Variants in TOMM7 observed in about 807,000 individuals in gnomAD.
TOMM7 encodes mitochondrial import receptor subunit TOM7 homolog.
TOMM7 carries 8 observed loss-of-function variants against 9.5 expected under a neutral mutation model. The observed-to-expected ratio is 0.84, with a 90% CI of 0.49 to 1.51. TOMM7 has a LOEUF of 1.51. Among genes scored for constraint, TOMM7 ranks in the 40% most tolerant of loss-of-function variants. TOMM7 has a pLI of 0.00. For missense variants in TOMM7, 74 were observed against 63.7 expected (o/e 1.16, Z -0.55); for synonymous variants, 27 against 21.4 (o/e 1.26, Z -0.72).
intron 1 of TOMM7, chr7:22,822,259 G>A (rs1782403661): frequency 6.4e-7 from 1 of 1,550,402 alleles, no homozygotes; most frequent in Non-Finnish European, 8.7e-7. Context: ...TCATGGCAGT[G>A]GTACTTTCAC....
chr7:22,821,351 A>C (rs113933903), intron 1 of TOMM7, among the ~76,000 whole-genome samples: 15 of 150,134 alleles, frequency 1.0e-4, no homozygotes, highest in African/African-American at 3.4e-4. Flanking sequence ...CGGAGCTTGC[A>C]GTGAGCTGAG....
intron 1 of TOMM7, chr7:22,818,394 C>A (rs1782344045): frequency 5.6e-6 from 1 of 179,878 alleles, no homozygotes; most frequent in African/African-American, 2.4e-5. Flanking sequence ...TCTCCTGTCT[C>A]AGCCTCCTGA....
At chr7:22,819,009 C>A (rs137859059) in intron 1 of TOMM7, among the ~76,000 whole-genome samples, 1 of 100,580 alleles carries the variant, frequency 9.9e-6, no homozygotes, top group Non-Finnish European at 1.9e-5. Context: ...AGAAAAAGGA[C>A]GGGGTGGAGG....
chr7:22,817,917 C>G, intron 2 of TOMM7, 83 bp downstream of exon 2: 1 of 1,339,972 alleles, frequency 7.5e-7, no homozygotes, highest in East Asian at 2.3e-5. Context: ...TCAAGGCCTG[C>G]CACTATTACT....
At position 22,817,997 on chromosome 7, in the gene TOMM7, T is replaced by C. The variant is rs1583463357; in HGVS notation, c.152+3A>G. ...CTGAAATGTTTAGTTTTAAGAGCAG[T>C]ACCTCAAAACAGTTGGTTCAGGCAT... is the stretch of plus-strand genomic sequence containing the variant. On this transcript the variant is annotated splice_donor_region_variant and intron_variant, in intron 2 of 2. Coordinates refer to ENST00000358435, the MANE Select transcript of TOMM7 (RefSeq NM_019059.5). 2.5e-6 allele frequency: 4 copies of C among 1,613,446 alleles called. No individual in the cohort carries two copies. The Admixed American group carries it at 6.7e-5, about 27-fold the overall frequency.
At chr7:22,822,532 C>T in intron 1 of TOMM7, 145 bp downstream of exon 1, 1 of 781,876 alleles carries the variant, frequency 1.3e-6, no homozygotes, top group Middle Eastern at 2.4e-4. Context: ...CAGGTTAGAT[C>T]GGCCCCACTT....
chr7:22,819,345 A>G (rs576139203), intron 1 of TOMM7, among the ~76,000 whole-genome samples: 6 of 151,646 alleles, frequency 4.0e-5, no homozygotes, highest in Admixed American at 6.6e-5. Context: ...TGGCCTGCCA[A>G]TTTCACAGAT....
At chr7:22,817,889 G>T in intron 2 of TOMM7, 111 bp downstream of exon 2, 2 of 1,034,152 alleles carry the variant, frequency 1.9e-6, no homozygotes, top group South Asian at 2.8e-5. Flanking sequence ...AAACTATACT[G>T]ACTGATAAAG....
At chr7:22,816,946 T>G (rs1782323653) in intron 2 of TOMM7, among the ~76,000 whole-genome samples, 2 of 152,214 alleles carry the variant, frequency 1.3e-5, no homozygotes, top group Non-Finnish European at 2.9e-5. Context: ...TAGGTGATAG[T>G]GAATAACATA....
Position 22,813,269 on chromosome 7 carries a change from T to C in TOMM7, c.153-84A>G, listed in dbSNP as rs1338866012. ...ATAACCTAAGACCTAGAAAATTTTA[T>C]ACATTTATGTTTGTTTCCTCATCTA... On this transcript the variant is annotated intron_variant, in intron 2 of 2. Transcript: ENST00000358435. The C allele has an allele frequency of 4.8e-6, 6 of 1,246,384 alleles. No homozygotes were observed. The Admixed American group carries it at 8.6e-5, about 18-fold the overall frequency. The allele number at this position is 1,246,384 out of a possible 1,614,324, so 77.2% of individuals were successfully genotyped here. A position where few individuals can be genotyped will look rare whatever the true frequency, so the allele number is the denominator to read the frequency against.
rs1275399067 is a variant in TOMM7 at position 22,822,047 on chromosome 7, G to C, written c.103+630C>G. The C allele has an allele frequency of 6.8e-6, 9 of 1,322,944 alleles. No individual in the cohort carries two copies. The African/African-American group carries it at 1.3e-4, about 20-fold the overall frequency. 82.0% of individuals were successfully genotyped at this position (1,322,944 alleles called of 1,614,324 possible). A position where few individuals can be genotyped will look rare whatever the true frequency, so the allele number is the denominator to read the frequency against. The stretch of plus-strand genomic sequence containing the variant: ...CCAAATCCTTTAAGTGCGCTATAAT[G>C]GTTAAGACTATGGGCTCTGATGCCC... On this transcript the variant is annotated intron_variant, in intron 1 of 2. Coordinates refer to ENST00000358435, the MANE Select transcript of TOMM7 (RefSeq NM_019059.5).
intron 2 of TOMM7, 70 bp downstream of exon 2, chr7:22,817,930 T>C (rs973953853): frequency 6.1e-6 from 9 of 1,469,418 alleles, no homozygotes; most frequent in African/African-American, 1.4e-5. Context: ...CTATTACTCT[T>C]TTACATCTTA....
Position 22,816,492 on chromosome 7 carries a change from A to G in TOMM7, c.152+1508T>C, listed in dbSNP as rs546674820. Among the ~76,000 whole-genome samples the G allele has an allele frequency of 3.3e-5, 5 of 152,378 alleles. No homozygotes were observed. The South Asian group carries it at 1.0e-3, about 32-fold the overall frequency. On this transcript the variant is annotated intron_variant, in intron 2 of 2. Transcript: ENST00000358435. ...TAGATCAAAGAGTAAGGGCTAAGAA[A>G]AAAGGACTTAGTGGGGAATCTCTGA... is the stretch of plus-strand genomic sequence containing the variant.
intron 2 of TOMM7, among the ~76,000 whole-genome samples, chr7:22,813,735 C>G (rs1782279225): frequency 6.6e-6 from 1 of 151,298 alleles, no homozygotes; most frequent in South Asian, 2.1e-4. Flanking sequence ...CCACTTCCAC[C>G]TCAACTAACT....
At chr7:22,813,728 C>T (rs1197845178) in intron 2 of TOMM7, among the ~76,000 whole-genome samples, 1 of 151,352 alleles carries the variant, frequency 6.6e-6, no homozygotes, top group East Asian at 2.0e-4. Context: ...TTAGCCTCCA[C>T]TTCCACCTCA....
At chr7:22,820,812 T>TA in intron 1 of TOMM7, among the ~76,000 whole-genome samples, 1 of 152,306 alleles carries the variant, frequency 6.6e-6, no homozygotes, top group Non-Finnish European at 1.5e-5. Context: ...AATGTTTTTT[T>TA]AAAAAATTGC....
chr7:22,818,116 AAG>A (rs903561802), intron 1 of TOMM7, 68 bp from the exon 2 acceptor site: 2 of 1,490,784 alleles, frequency 1.3e-6, no homozygotes, highest in Non-Finnish European at 1.9e-6. Context: ...ATTTACAATC[AAG>A]ACTTTTTCTT....
intron 2 of TOMM7, among the ~76,000 whole-genome samples, chr7:22,815,508 C>T (rs1782306544): frequency 6.7e-6 from 1 of 149,870 alleles, no homozygotes; most frequent in South Asian, 2.1e-4. Flanking sequence ...CCAGACTGGG[C>T]AACACAGTGA....
Position 22,813,068 on chromosome 7 carries a change from CAACTA to C in TOMM7, c.*97_*101del, listed in dbSNP as rs1163002989. 1 of 1,215,694 alleles carries C rather than the reference CAACTA, an allele frequency of 8.2e-7. No individual in the cohort carries two copies. Among genetic ancestry groups the C allele is most frequent in the Non-Finnish European group, 1.2e-6 (1 of 819,084 alleles). 75.3% of individuals were successfully genotyped at this position (1,215,694 alleles called of 1,614,324 possible). A position where few individuals can be genotyped will look rare whatever the true frequency, so the allele number is the denominator to read the frequency against. On this transcript the variant is annotated 3_prime_UTR_variant, in exon 3 of 3. Transcript: ENST00000358435. ...CGTCTGTGAAGAGCCTTGTGCCATC[CAACTA>C]GTGACTGAATGATGTCCCATCTCTT...
Sources: allele counts gnomAD v4.1 joint callset (sites outside exome capture counted in the v4.1 genomes callset), GRCh38; gene constraint gnomAD v4.1.1; transcripts MANE v1.5; gene names NCBI Gene and HGNC (gene_info 2026-07-23, HGNC 2026-07-21).